Variants in ALKBH3 observed in about 807,000 individuals in gnomAD.
ALKBH3 encodes alpha-ketoglutarate-dependent dioxygenase alkB homolog 3.
ALKBH3 carries 51 observed loss-of-function variants against 43.9 expected under a neutral mutation model. The observed-to-expected ratio is 1.16, with a 90% CI of 0.93 to 1.47. ALKBH3 has a LOEUF of 1.47. ALKBH3 is among the 40% of genes most tolerant of loss of function. ALKBH3 has a pLI of 0.00. For missense variants in ALKBH3, 361 were observed against 351.9 expected (o/e 1.03, Z -0.21); for synonymous variants, 102 against 115.2 (o/e 0.89, Z 0.73).
intron 7 of ALKBH3, among the ~76,000 whole-genome samples, chr11:43,900,667 A>G (rs1449745487): frequency 6.6e-6 from 1 of 152,206 alleles, no homozygotes; most frequent in African/African-American, 2.4e-5. Context: ...TTTGAGAACC[A>G]CTGTTCTAAA....
Position 43,901,694 on chromosome 11 carries a change from G to C in ALKBH3, c.638G>C (p.Arg213Pro). 1 of 1,614,220 alleles carries C rather than the reference G, an allele frequency of 6.2e-7. No homozygotes were observed. Among genetic ancestry groups the C allele is most frequent in the Non-Finnish European group, 8.5e-7 (1 of 1,180,040 alleles). ...IIASLSFGAT[R>P]TFEMRKKPPP... ...GCTTCACTAAGTTTTGGTGCCACAC[G>C]CACATTTGAGATGAGAAAGAAGCCA... is the stretch of plus-strand genomic sequence containing the variant. The change falls in exon 8 of 10, where the codon CGC (arginine) becomes CCC (proline). Residue 213 changes from arginine (R) to proline (P), a missense_variant. Physicochemically the swap from Arg to Pro is moderately radical, Grantham distance 103. Transcript: ENST00000302708.
rs138620440 is a variant in ALKBH3, at chr11:43,905,220, C to A, written c.669+3495C>A. Among the ~76,000 whole-genome samples the A allele has an allele frequency of 2.4e-4, 36 of 152,274 alleles. No individual in the cohort carries two copies. The East Asian group carries it at 5.4e-3, about 23-fold the overall frequency. On this transcript the variant is annotated intron_variant, in intron 8 of 9. Coordinates refer to ENST00000302708, the MANE Select transcript of ALKBH3 (RefSeq NM_139178.4). ...AGCAGCTGTTTATTTTGTAGTCTGG[C>A]ACCTTGAGCAGATCTCCATTAACTG...
chr11:43,887,033 A>T (rs1951751125), intron 5 of ALKBH3, among the ~76,000 whole-genome samples: 1 of 152,146 alleles, frequency 6.6e-6, no homozygotes, highest in Admixed American at 6.5e-5. Context: ...TGATGAAATA[A>T]TCTGTATAAC....
chr11:43,891,505 A>G (rs1473384638), intron 6 of ALKBH3, among the ~76,000 whole-genome samples: 1 of 152,100 alleles, frequency 6.6e-6, no homozygotes, highest in African/African-American at 2.4e-5. Flanking sequence ...GAGTAGATCT[A>G]TGGATAACTG....
chr11:43,890,760 A>C (rs1951778295), intron 6 of ALKBH3, among the ~76,000 whole-genome samples: 1 of 152,112 alleles, frequency 6.6e-6, no homozygotes, highest in South Asian at 2.1e-4. Context: ...GCTACTCGGG[A>C]GGCTGAGGCA....
At chr11:43,896,124 G>A (rs1021628324) in intron 7 of ALKBH3, among the ~76,000 whole-genome samples, 4 of 152,128 alleles carry the variant, frequency 2.6e-5, no homozygotes, top group Admixed American at 6.5e-5. Flanking sequence ...AATGAGTGAC[G>A]TGAATGTCAC....
At chr11:43,900,215 A>ATTTTTT in intron 7 of ALKBH3, among the ~76,000 whole-genome samples, 2 of 87,150 alleles carry the variant, frequency 2.3e-5, no homozygotes, top group Non-Finnish European at 2.2e-5. Context: ...TTTTAATTTA[A>ATTTTTT]TTTTTTTTTT....
At chr11:43,902,436 G>GTA (rs1951869681) in intron 8 of ALKBH3, among the ~76,000 whole-genome samples, 1 of 152,176 alleles carries the variant, frequency 6.6e-6, no homozygotes, top group Admixed American at 6.5e-5. Context: ...AATCAAAACT[G>GTA]TAGTCCCTTA....
At chr11:43,881,501 G>A (rs1434942414) in intron 1 of ALKBH3, 2 of 152,214 alleles carry the variant, frequency 1.3e-5, no homozygotes, top group East Asian at 3.8e-4. Flanking sequence ...ACGCTTTTAG[G>A]GCCTCAATTG....
intron 7 of ALKBH3, among the ~76,000 whole-genome samples, chr11:43,896,047 T>G (rs1453656885): frequency 6.6e-6 from 1 of 152,200 alleles, no homozygotes; most frequent in African/African-American, 2.4e-5. Flanking sequence ...TTGTTTTTGC[T>G]TAAAATACAA....
In ALKBH3 at chr11:43,908,692, C is replaced by T. The variant is rs34537089; in HGVS notation, c.669+6967C>T. 1.3e-3 allele frequency among the ~76,000 whole-genome samples: 195 copies of T among 152,304 alleles called. 1 individual carries two copies. Among genetic ancestry groups the T allele is most frequent in the African/African-American group, 4.3e-3 (180 of 41,558 alleles). ...AACCAGGTTTGTTTTTGCTCAAATT[C>T]GGTAACTTCTTACCCCCACCCTATC... On this transcript the variant is annotated intron_variant, in intron 8 of 9. Transcript: ENST00000302708.
intron 7 of ALKBH3, chr11:43,898,760 T>C: frequency 2.7e-6 from 2 of 740,914 alleles, no homozygotes; most frequent in Non-Finnish European, 5.0e-6. Context: ...TTTCCTGTGC[T>C]CTGGACGCTG....
chr11:43,895,856 A>G (rs1048872950), intron 7 of ALKBH3, among the ~76,000 whole-genome samples: 2 of 152,206 alleles, frequency 1.3e-5, no homozygotes, highest in Non-Finnish European at 2.9e-5. Flanking sequence ...TGCCAGTTTC[A>G]TTTAAGAATG....
At chr11:43,916,517 A>T (rs544835863) in intron 8 of ALKBH3, among the ~76,000 whole-genome samples, 18 of 152,218 alleles carry the variant, frequency 1.2e-4, no homozygotes, top group Middle Eastern at 3.4e-3. Flanking sequence ...AGGATGAGTG[A>T]TGGAAAATTT....
chr11:43,899,605 C>T (rs117513546), intron 7 of ALKBH3: 6,320 of 531,942 alleles, frequency 0.012, 86 homozygotes, highest in African/African-American at 0.037. Context: ...GATGGCCGCC[C>T]CTCCTCGGAC....
At position 43,919,721 on chromosome 11, in the gene ALKBH3, A is replaced by G. The variant is rs923044619; in HGVS notation, c.769-197A>G. ...AATATCTCACTTCAGAGGTGCTGGC[A>G]TAGCACAGTGGGGCTGGGGATGGAA... On this transcript the variant is annotated intron_variant, in intron 9 of 9. Coordinates refer to ENST00000302708, the MANE Select transcript of ALKBH3 (RefSeq NM_139178.4). 15 of 554,938 alleles carry G rather than the reference A, an allele frequency of 2.7e-5. No homozygotes were observed. In the East Asian group the frequency reaches 4.0e-4, roughly 15 times the overall value. The allele number at this position is 554,938 out of a possible 1,614,324, so 34.4% of individuals were successfully genotyped here.
At chr11:43,901,214 G>A (rs1049464530) in intron 7 of ALKBH3, among the ~76,000 whole-genome samples, 4 of 152,136 alleles carry the variant, frequency 2.6e-5, no homozygotes, top group Non-Finnish European at 5.9e-5. Flanking sequence ...ACATGGCAAA[G>A]GCCATGTATT....
At chr11:43,909,344 GT>G (rs1187354809) in intron 8 of ALKBH3, 1 of 152,134 alleles carries the variant, frequency 6.6e-6, no homozygotes, top group East Asian at 1.9e-4. Flanking sequence ...AATATGTTGT[GT>G]TTATGTCAGA....
chr11:43,898,988 TGAG>T, intron 7 of ALKBH3: 1 of 753,954 alleles, frequency 1.3e-6, no homozygotes, highest in Non-Finnish European at 2.5e-6. Context: ...AGCTCTGGAC[TGAG>T]ACCATCTACC....
Sources: allele counts gnomAD v4.1 joint callset (sites outside exome capture counted in the v4.1 genomes callset), GRCh38; gene constraint gnomAD v4.1.1; transcripts MANE v1.5; gene names NCBI Gene and HGNC (gene_info 2026-07-23, HGNC 2026-07-21).